URGCP: variants seen among roughly 807,000 people sequenced by gnomAD.
The protein encoded by URGCP is upregulator of cell proliferation.
URGCP carries 13 observed loss-of-function variants against 24.6 expected under a neutral mutation model. The observed-to-expected ratio is 0.53, with a 90% CI of 0.34 to 0.84. URGCP has a LOEUF of 0.84. Ranked by LOEUF, URGCP falls within the 40% of genes least tolerant of loss-of-function variation. The probability of loss-of-function intolerance (pLI) is 0.01; values close to 1 mark genes in which losing one functional copy is unlikely to be tolerated. For missense variants in URGCP, 899 were observed against 1,194.3 expected (o/e 0.75, Z 3.64); for synonymous variants, 444 against 487.2 (o/e 0.91, Z 1.17).
At chr7:43,893,118 A>T (rs1319528037) in intron 1 of URGCP, among the ~76,000 whole-genome samples, 1 of 152,050 alleles carries the variant, frequency 6.6e-6, no homozygotes, top group African/African-American at 2.4e-5. Flanking sequence ...CCTTTATTCC[A>T]GGAGTTTGAG....
At chr7:43,897,050 T>C (rs2095879742) in intron 1 of URGCP, among the ~76,000 whole-genome samples, 2 of 152,032 alleles carry the variant, frequency 1.3e-5, no homozygotes, top group African/African-American at 4.8e-5. Flanking sequence ...TAATCAACAA[T>C]ATCCCCTATA....
chr7:43,904,893 G>A (rs1185221377), intron 1 of URGCP, among the ~76,000 whole-genome samples: 1 of 152,176 alleles, frequency 6.6e-6, no homozygotes, highest in East Asian at 1.9e-4. Flanking sequence ...ACAATGATAA[G>A]TATTTGTGCA....
chr7:43,905,249 C>A (rs1399247279), intron 1 of URGCP, among the ~76,000 whole-genome samples: 1 of 130,738 alleles, frequency 7.6e-6, no homozygotes, highest in East Asian at 2.2e-4. Flanking sequence ...GGTTCAGCCA[C>A]CCTCAACATT....
intron 3 of URGCP, among the ~76,000 whole-genome samples, chr7:43,886,741 G>A (rs560366021): frequency 1.3e-5 from 2 of 151,940 alleles, no homozygotes; most frequent in African/African-American, 4.8e-5. Flanking sequence ...CAATAAAGGC[G>A]AAACTTGGTC....
chr7:43,877,807 G>A lies in URGCP; in HGVS notation c.1656C>T (p.Ile552=). The change falls in exon 6 of 6, where the codon ATC becomes ATT. Residue 552 remains isoleucine, a synonymous_variant. Coordinates refer to ENST00000453200, the MANE Select transcript of URGCP (RefSeq NM_001077663.3). ...HDPSSGVQEF[I]SGISSPSLSE... ...TCAAGGAGGGGCTGCTGATCCCCGA[G>A]ATGAACTCCTGCACCCCCGAGGAGG... 2 of 1,605,236 alleles carry A rather than the reference G, an allele frequency of 1.2e-6. No homozygotes were observed. Among genetic ancestry groups the A allele is most frequent in the Non-Finnish European group, 1.7e-6 (2 of 1,175,488 alleles).
At chr7:43,898,725 G>A (rs538490224) in intron 1 of URGCP, among the ~76,000 whole-genome samples, 1 of 150,776 alleles carries the variant, frequency 6.6e-6, no homozygotes, top group Non-Finnish European at 1.5e-5. Flanking sequence ...CTGGGTGACA[G>A]AGCAAGAAGA....
Position 43,887,426 on chromosome 7 carries a change from A to T in URGCP, c.101T>A (p.Val34Glu). 6.2e-7 allele frequency: 1 copy of T among 1,613,740 alleles called. No homozygotes were observed. Among genetic ancestry groups the T allele is most frequent in the Non-Finnish European group, 8.5e-7 (1 of 1,179,762 alleles). ...EIKASERRTA[V>E]AIADLEWREM... ...TCATCCAACTTTACCTGCAATGGCC[A>T]CAGCTGTTCGTCTCTCTGATGCTTT... Residue 34 changes from valine (V) to glutamate (E), a missense_variant, in exon 3 of 6, where the codon GTG becomes GAG. By Grantham distance (121) the Val-to-Glu change is moderately radical. Transcript: ENST00000453200.
In URGCP at chr7:43,896,329, G is replaced by A. The variant is rs113263868; in HGVS notation, c.15-8513C>T. Among the ~76,000 whole-genome samples, 1,142 of 152,052 alleles carry A rather than the reference G, an allele frequency of 7.5e-3. 20 individuals are homozygous for A. Among genetic ancestry groups the A allele is most frequent in the African/African-American group, 0.025 (1,046 of 41,460 alleles). ...AAATTAGCTGGGCGTGGTGGCACAC[G>A]CCTGTAATCCCAGCTACTTAGGAGG... is the stretch of plus-strand genomic sequence containing the variant. On this transcript the variant is annotated intron_variant, in intron 1 of 5. Transcript: ENST00000453200.
intron 5 of URGCP, chr7:43,879,934 T>G (rs766507970): frequency 2.0e-5 from 3 of 150,954 alleles, no homozygotes; most frequent in Non-Finnish European, 4.4e-5. Flanking sequence ...TCCCCTTTCT[T>G]TTTTTTTTAG....
upstream of URGCP, among the ~76,000 whole-genome samples, chr7:43,908,924 G>A (rs758746698): frequency 6.6e-6 from 1 of 152,108 alleles, no homozygotes; most frequent in Admixed American, 6.5e-5. Context: ...CCCGTGGCCC[G>A]TACACTTAAC....
intron 1 of URGCP, among the ~76,000 whole-genome samples, chr7:43,925,610 G>A (rs1389450671): frequency 6.6e-6 from 1 of 151,618 alleles, no homozygotes; most frequent in African/African-American, 2.4e-5. Flanking sequence ...AGTGATTCTC[G>A]TGCCTCAGCC....
At position 43,879,236 on chromosome 7, in the gene URGCP, A is replaced by T. The variant is rs1472981406; in HGVS notation, c.227T>A (p.Met76Lys). ...CGTCTCTAGGCCCAAAAGTGACAGC[A>T]TTTCTTGAAGCCTGCTTCTCTCCAC... Reference protein sequence around the residue: ...PTVERSRLQEMLSLLGLETYQ... With the variant: ...PTVERSRLQEKLSLLGLETYQ... The change falls in exon 6 of 6, where the codon ATG becomes AAG. Residue 76 changes from methionine (M) to lysine (K), a missense_variant. By Grantham distance (95) the Met-to-Lys change is moderately conservative (BLOSUM62 -1). Transcript: ENST00000453200. The T allele has an allele frequency of 1.2e-5, 20 of 1,611,220 alleles. No individual in the cohort carries two copies. Among genetic ancestry groups the T allele is most frequent in the Non-Finnish European group, 1.7e-5 (20 of 1,179,290 alleles).
At chr7:43,926,528 G>A (rs773542159), upstream of URGCP, 3 of 1,553,294 alleles carry the variant, frequency 1.9e-6, no homozygotes, top group South Asian at 2.4e-5. Context: ...CGGCAGCGGG[G>A]TAGGATGGCG....
intron 1 of URGCP, among the ~76,000 whole-genome samples, chr7:43,890,954 T>C (rs2095869799): frequency 6.6e-6 from 1 of 152,248 alleles, no homozygotes; most frequent in African/African-American, 2.4e-5. Flanking sequence ...TAACTTTCCT[T>C]GTCTTCTCAC....
intron 1 of URGCP, among the ~76,000 whole-genome samples, chr7:43,903,049 C>A (rs536869782): frequency 6.7e-6 from 1 of 149,528 alleles, no homozygotes; most frequent in South Asian, 2.1e-4. Flanking sequence ...TTTGGGAGGC[C>A]GAGACAGGAG....
intron 1 of URGCP, among the ~76,000 whole-genome samples, chr7:43,897,141 T>G (rs2095879917): frequency 6.6e-6 from 1 of 152,090 alleles, no homozygotes; most frequent in Non-Finnish European, 1.5e-5. Flanking sequence ...AGGTTGAGGC[T>G]GCAGTGAGCC....
intron 1 of URGCP, among the ~76,000 whole-genome samples, chr7:43,890,304 T>C (rs886456032): frequency 6.7e-6 from 1 of 148,250 alleles, no homozygotes; most frequent in Admixed American, 6.9e-5. Flanking sequence ...AAGCTCTGCC[T>C]CCTGGGTTCA....
intron 1 of URGCP, among the ~76,000 whole-genome samples, chr7:43,892,800 CAT>C (rs2132681273): frequency 6.6e-6 from 1 of 152,174 alleles, no homozygotes; most frequent in Admixed American, 6.5e-5. Context: ...AGAGTGACCA[CAT>C]GTTTAAGAAA....
chr7:43,925,798 C>CTTTTTTTT lies in URGCP; in HGVS notation c.-116+326_-116+333dup, dbSNP rs60736722. On this transcript the variant is annotated intron_variant, in intron 1 of 5. Transcript: ENST00000426198. ...TATAGGCGTGAGCCACCTCGTCTGG[C>CTTTTTTTT]TTTTTTTTTTTTTTTTTCAAAAAAA... Among the ~76,000 whole-genome samples, 24 of 116,536 alleles carry CTTTTTTTT rather than the reference C, an allele frequency of 2.1e-4. 2 individuals are homozygous for CTTTTTTTT. Among genetic ancestry groups the CTTTTTTTT allele is most frequent in the Non-Finnish European group, 3.6e-4 (21 of 58,634 alleles). The allele number at this position is 116,536 out of a possible 152,430, so 76.5% of individuals were successfully genotyped here. A position where few individuals can be genotyped will look rare whatever the true frequency, so the allele number is the denominator to read the frequency against.
Sources: allele counts gnomAD v4.1 joint callset (sites outside exome capture counted in the v4.1 genomes callset), GRCh38; gene constraint gnomAD v4.1.1; transcripts MANE v1.5; gene names NCBI Gene and HGNC (gene_info 2026-07-23, HGNC 2026-07-21).